CSE1L: variants seen among roughly 807,000 people sequenced by gnomAD.
CSE1L encodes exportin-2.
Under a neutral mutation model 120.4 loss-of-function variants are expected in CSE1L, and 24 were observed. The ratio of observed to expected loss-of-function variants is 0.20; its 90% confidence interval spans 0.14 to 0.28. The LOEUF (loss-of-function observed/expected upper bound fraction) is 0.28, where lower values mean the gene tolerates loss of function less well. Ranked by LOEUF, CSE1L falls within the 10% of genes least tolerant of loss-of-function variation. The pLI, the probability that CSE1L is intolerant of heterozygous loss-of-function variation, is 1.00. For missense variants in CSE1L, 830 were observed against 1,145.2 expected (o/e 0.72, Z 3.97); for synonymous variants, 402 against 398.3 (o/e 1.01, Z -0.11).
rs2092110894 is a variant in CSE1L at position 49,092,682 on chromosome 20, A to AG, written c.2447+558dup. Among the ~76,000 whole-genome samples the AG allele has an allele frequency of 1.3e-5, 2 of 151,956 alleles. 1 individual carries two copies. Among genetic ancestry groups the AG allele is most frequent in the Admixed American group, 1.3e-4 (2 of 15,226 alleles). ...TGGGGGGCAGGGGAAGGGAGGGCAG[A>AG]GGGAGGGATAGCATTAGCAGAAATA... On this transcript the variant is annotated intron_variant, in intron 22 of 24. Transcript: ENST00000262982.
At chr20:49,060,663 C>A (rs1475783576) in intron 2 of CSE1L, among the ~76,000 whole-genome samples, 1 of 151,390 alleles carries the variant, frequency 6.6e-6, no homozygotes, top group Non-Finnish European at 1.5e-5. Flanking sequence ...GTAACCCCAG[C>A]TACTTGGGAG....
At chr20:49,061,469 G>T (rs1277490317) in intron 2 of CSE1L, among the ~76,000 whole-genome samples, 2 of 138,492 alleles carry the variant, frequency 1.4e-5, no homozygotes, top group Non-Finnish European at 3.2e-5. Context: ...ACCGTGCCCG[G>T]TGGAAAAATT....
At chr20:49,064,349 C>T (rs1029013153) in intron 3 of CSE1L, among the ~76,000 whole-genome samples, 2 of 152,010 alleles carry the variant, frequency 1.3e-5, no homozygotes, top group Non-Finnish European at 1.5e-5. Context: ...TTTTCTCATT[C>T]CATAAAAGAG....
intron 2 of CSE1L, among the ~76,000 whole-genome samples, chr20:49,060,418 G>T (rs1021087768): frequency 2.6e-5 from 4 of 151,066 alleles, no homozygotes; most frequent in African/African-American, 9.7e-5. Context: ...GGAAGCGGAG[G>T]TTGCAGTTAA....
chr20:49,055,677 C>A (rs2091800933), intron 1 of CSE1L, among the ~76,000 whole-genome samples: 1 of 152,072 alleles, frequency 6.6e-6, no homozygotes, highest in Non-Finnish European at 1.5e-5. Context: ...TATGATCATG[C>A]CCCTGCAGTC....
intron 1 of CSE1L, among the ~76,000 whole-genome samples, chr20:49,057,684 T>C (rs1262313011): frequency 1.3e-5 from 2 of 152,126 alleles, no homozygotes; most frequent in Non-Finnish European, 2.9e-5. Flanking sequence ...CAGGCTGCAG[T>C]GCTATGGTGC....
chr20:49,074,276 T>G (rs187911413), intron 10 of CSE1L, among the ~76,000 whole-genome samples: 2 of 150,912 alleles, frequency 1.3e-5, no homozygotes, highest in African/African-American at 4.9e-5. Context: ...CTCGCTGTGT[T>G]GACCAGGCTG....
rs1375391771 is a variant in CSE1L at position 49,046,327 on chromosome 20, C to A, written c.-108C>A. 1 of 152,428 alleles carries A rather than the reference C, an allele frequency of 6.6e-6. No individual in the cohort carries two copies. The highest frequency in any genetic ancestry group is 2.1e-4 in the South Asian group (1 of 4,836). The allele number at this position is 152,428 out of a possible 1,614,324, so 9.4% of individuals were successfully genotyped here. A position where few individuals can be genotyped will look rare whatever the true frequency, so the allele number is the denominator to read the frequency against. On this transcript the variant is annotated 5_prime_UTR_variant, in exon 1 of 25. Coordinates refer to ENST00000262982, the MANE Select transcript of CSE1L (RefSeq NM_001316.4). Reference sequence around the variant, plus strand: ...CAGGCTCGCTGTCGCGCCATTTTGCCGGGGTTTGAATGTGAGGCGGAGCGG... The same window carrying A: ...CAGGCTCGCTGTCGCGCCATTTTGCAGGGGTTTGAATGTGAGGCGGAGCGG...
chr20:49,056,318 G>A (rs1200257606), intron 1 of CSE1L, among the ~76,000 whole-genome samples: 2 of 152,046 alleles, frequency 1.3e-5, no homozygotes, highest in East Asian at 3.8e-4. Context: ...TGGCCAGGCT[G>A]GTCTCAAACT....
At chr20:49,057,952 G>T (rs1406819348) in intron 1 of CSE1L, among the ~76,000 whole-genome samples, 1 of 151,804 alleles carries the variant, frequency 6.6e-6, no homozygotes, top group African/African-American at 2.4e-5. Flanking sequence ...TGTAGTTTTG[G>T]TAGAGATGGG....
chr20:49,049,660 TTTCTC>T (rs2091750683), intron 1 of CSE1L, among the ~76,000 whole-genome samples: 1 of 152,246 alleles, frequency 6.6e-6, no homozygotes, highest in Admixed American at 6.5e-5. Flanking sequence ...AAGTCCCTGA[TTTCTC>T]TTATTTTCTC....
intron 13 of CSE1L, 37 bp from the exon 14 acceptor site, chr20:49,078,524 C>G: frequency 7.1e-7 from 1 of 1,418,298 alleles, no homozygotes; most frequent in African/African-American, 1.5e-5. Flanking sequence ...TGATCCTTAC[C>G]ACTTAAGTAA....
In CSE1L at chr20:49,076,929, G is replaced by A. The variant is rs754265491; in HGVS notation, c.1336-51G>A. 6 of 1,160,310 alleles carry A rather than the reference G, an allele frequency of 5.2e-6. No homozygotes were observed. The South Asian group carries it at 8.3e-5, about 16-fold the overall frequency. The allele number at this position is 1,160,310 out of a possible 1,614,324, so 71.9% of individuals were successfully genotyped here. ...AATTGCCTGAATTTCTAATGTGATA[G>A]ATATATACAGGTATTTTGTTATTTT... On this transcript the variant is annotated intron_variant, in intron 12 of 24. Transcript: ENST00000262982.
rs540234017 is a variant in CSE1L, at chr20:49,073,094, C to G, written c.1066+397C>G. ...TGATGCAATCTTGGCTCACTGCAAC[C>G]TTAGCCTCCCAGGCTCAAGTGATCC... On this transcript the variant is annotated intron_variant, in intron 10 of 24. Transcript: ENST00000262982. Among the ~76,000 whole-genome samples the G allele has an allele frequency of 2.0e-5, 3 of 152,204 alleles. No homozygotes were observed. The East Asian group carries it at 5.8e-4, about 29-fold the overall frequency.
intron 9 of CSE1L, 54 bp downstream of exon 9, chr20:49,072,507 C>G (rs1371773650): frequency 1.2e-6 from 2 of 1,606,072 alleles, no homozygotes; most frequent in Non-Finnish European, 1.7e-6. Flanking sequence ...CTATCTCCTC[C>G]AAGAAATAAG....
chr20:49,089,800 G>T, intron 19 of CSE1L, 54 bp downstream of exon 19: 1 of 1,518,562 alleles, frequency 6.6e-7, no homozygotes, highest in Non-Finnish European at 9.1e-7. Context: ...GGAGAAACTG[G>T]GGATGGCAGA....
At chr20:49,055,562 C>G (rs1278351669) in intron 1 of CSE1L, among the ~76,000 whole-genome samples, 2 of 151,954 alleles carry the variant, frequency 1.3e-5, no homozygotes, top group Admixed American at 6.6e-5. Flanking sequence ...ACAAAAAATA[C>G]AAAAATTAGC....
At chr20:49,055,214 A>G (rs1211784419) in intron 1 of CSE1L, among the ~76,000 whole-genome samples, 1 of 152,238 alleles carries the variant, frequency 6.6e-6, no homozygotes, top group Non-Finnish European at 1.5e-5. Flanking sequence ...TGATAGCCTC[A>G]GGCAGTTCAG....
intron 7 of CSE1L, 81 bp downstream of exon 7, chr20:49,068,903 T>A: frequency 1.0e-6 from 1 of 969,334 alleles, no homozygotes; most frequent in Non-Finnish European, 1.6e-6. Flanking sequence ...TAAAGACTTC[T>A]TTGCCAGCAT....
Sources: allele counts gnomAD v4.1 joint callset (sites outside exome capture counted in the v4.1 genomes callset), GRCh38; gene constraint gnomAD v4.1.1; transcripts MANE v1.5; gene names NCBI Gene and HGNC (gene_info 2026-07-23, HGNC 2026-07-21).